Variants in THSD4 observed in about 807,000 individuals in gnomAD.
THSD4 encodes thrombospondin type 1 domain containing 4.
A neutral mutation model predicts 119.0 loss-of-function variants in THSD4; 69 were observed. That is an observed-to-expected ratio of 0.58 (90% CI 0.48 to 0.71). The LOEUF (loss-of-function observed/expected upper bound fraction) is 0.71. Ranked by LOEUF, THSD4 falls within the 30% of genes least tolerant of loss-of-function variation. The probability of loss-of-function intolerance (pLI) is 0.00; values close to 1 mark genes in which losing one functional copy is unlikely to be tolerated. For synonymous variants in THSD4, 524 were observed against 540.4 expected, an observed-to-expected ratio of 0.97 and a Z score of 0.42; for missense variants, 1,393 against 1,391.1, an observed-to-expected ratio of 1.00 and a Z score of -0.02.
chr15:71,500,154 AT>A lies in THSD4; in HGVS notation c.1152+88340del, dbSNP rs200662509. Among the ~76,000 whole-genome samples the A allele has an allele frequency of 2.2e-3, 335 of 150,588 alleles. 2 individuals carry two copies. Among genetic ancestry groups the A allele is most frequent in the African/African-American group, 6.6e-3 (271 of 41,106 alleles). On this transcript the variant is annotated intron_variant, in intron 7 of 17. Transcript: ENST00000261862. Reference sequence around the variant, plus strand: ...TTCTCACCAACGCTTGTTATTATCTATTTTTTTTTATGGTAGCTGCCATACC... The same window carrying A: ...TTCTCACCAACGCTTGTTATTATCTATTTTTTTTATGGTAGCTGCCATACC...
chr15:71,360,656 T>G (rs2045882619), intron 6 of THSD4, among the ~76,000 whole-genome samples: 1 of 152,216 alleles, frequency 6.6e-6, no homozygotes, highest in Non-Finnish European at 1.5e-5. Flanking sequence ...ATATGACTCC[T>G]CCTCAGATGC....
chr15:71,386,817 A>G (rs528365539), intron 6 of THSD4, among the ~76,000 whole-genome samples: 35 of 152,344 alleles, frequency 2.3e-4, no homozygotes, highest in African/African-American at 8.2e-4. Context: ...CCTAATTCAG[A>G]GGGTTAGCTT....
At chr15:71,111,719 A>G (rs1029372637), upstream of THSD4, 3 of 523,548 alleles carry the variant, frequency 5.7e-6, no homozygotes, top group African/African-American at 5.7e-5. Flanking sequence ...ATGTAGGTCC[A>G]TTTTCATCCC....
intron 4 of THSD4, among the ~76,000 whole-genome samples, chr15:71,226,607 G>A (rs576529130): frequency 1.3e-5 from 2 of 152,184 alleles, no homozygotes; most frequent in Non-Finnish European, 2.9e-5. Flanking sequence ...GGAGCAATAT[G>A]TTGTTTCTTT....
At chr15:71,408,707 C>T (rs181050514) in intron 6 of THSD4, among the ~76,000 whole-genome samples, 1 of 152,156 alleles carries the variant, frequency 6.6e-6, no homozygotes, top group East Asian at 1.9e-4. Flanking sequence ...CAACAATTAG[C>T]TGGGTGTGGT....
intron 7 of THSD4, among the ~76,000 whole-genome samples, chr15:71,619,520 C>T (rs1398819802): frequency 2.0e-5 from 3 of 152,144 alleles, no homozygotes; most frequent in Non-Finnish European, 2.9e-5. Flanking sequence ...GTAGCCTGCT[C>T]CTAAGATTCC....
intron 7 of THSD4, among the ~76,000 whole-genome samples, chr15:71,511,639 A>G (rs973671746): frequency 6.6e-6 from 1 of 152,222 alleles, no homozygotes; most frequent in African/African-American, 2.4e-5. Context: ...TCCAACCACA[A>G]ATCATTTAAG....
At chr15:71,317,753 T>C (rs902154802) in intron 6 of THSD4, among the ~76,000 whole-genome samples, 1 of 152,202 alleles carries the variant, frequency 6.6e-6, no homozygotes, top group African/African-American at 2.4e-5. Context: ...TGGTCTGGCT[T>C]CAAATCCTGG....
intron 7 of THSD4, among the ~76,000 whole-genome samples, chr15:71,495,475 C>G (rs758423858): frequency 6.6e-6 from 1 of 152,234 alleles, no homozygotes; most frequent in Non-Finnish European, 1.5e-5. Context: ...CAATACCACT[C>G]TAAACTGAAA....
intron 3 of THSD4, among the ~76,000 whole-genome samples, chr15:71,193,629 T>C (rs1941968395): frequency 6.6e-6 from 1 of 152,198 alleles, no homozygotes; most frequent in Non-Finnish European, 1.5e-5. Context: ...AGGGACCCGG[T>C]AGAGATCATT....
chr15:71,305,104 G>C (rs910712378), intron 6 of THSD4, among the ~76,000 whole-genome samples: 3 of 152,206 alleles, frequency 2.0e-5, no homozygotes, highest in Admixed American at 6.5e-5. Context: ...AAACCCTAAC[G>C]AGGTAGGAGA....
chr15:71,279,222 C>G (rs1426520674), intron 6 of THSD4, among the ~76,000 whole-genome samples: 1 of 152,176 alleles, frequency 6.6e-6, no homozygotes, highest in Non-Finnish European at 1.5e-5. Flanking sequence ...GGAAGCATAT[C>G]AGATGTGTAC....
chr15:71,252,637 G>T (rs1165406660), intron 5 of THSD4, among the ~76,000 whole-genome samples: 1 of 152,208 alleles, frequency 6.6e-6, no homozygotes, highest in Non-Finnish European at 1.5e-5. Flanking sequence ...GGGCACCATG[G>T]CATAGTGGTT....
intron 6 of THSD4, among the ~76,000 whole-genome samples, chr15:71,263,330 G>GGTATATAT (rs1555458969): frequency 2.7e-4 from 2 of 7,282 alleles, no homozygotes; most frequent in Non-Finnish European, 6.2e-4. Flanking sequence ...AGTATTCCAT[G>GGTATATAT]GTATATATAT....
intron 7 of THSD4, among the ~76,000 whole-genome samples, chr15:71,437,326 A>G (rs1431498773): frequency 6.6e-6 from 1 of 152,212 alleles, no homozygotes; most frequent in Non-Finnish European, 1.5e-5. Flanking sequence ...TCCAAATGCA[A>G]TTTGGAGGGG....
intron 6 of THSD4, among the ~76,000 whole-genome samples, chr15:71,367,041 CG>C (rs2045974378): frequency 1.3e-5 from 2 of 152,262 alleles, no homozygotes; most frequent in African/African-American, 4.8e-5. Flanking sequence ...ATTCAAGAGT[CG>C]TTAGTGAGTT....
chr15:71,516,240 C>T (rs185341602), intron 7 of THSD4, among the ~76,000 whole-genome samples: 5 of 152,292 alleles, frequency 3.3e-5, no homozygotes, highest in Non-Finnish European at 7.3e-5. Flanking sequence ...CCACAGCTTG[C>T]AGCCTACATT....
At chr15:71,681,952 T>G (rs2051791284) in intron 8 of THSD4, among the ~76,000 whole-genome samples, 1 of 152,136 alleles carries the variant, frequency 6.6e-6, no homozygotes, top group African/African-American at 2.4e-5. Flanking sequence ...CTTTAAAATG[T>G]TCAGCTGTGC....
intron 7 of THSD4, among the ~76,000 whole-genome samples, chr15:71,585,383 G>A (rs1387539449): frequency 6.6e-6 from 1 of 152,102 alleles, no homozygotes; most frequent in Non-Finnish European, 1.5e-5. Context: ...GTTCCTTTCG[G>A]CACTCTGAAT....
Sources: gnomAD v4.1 joint callset for allele counts (sites outside exome capture counted in the v4.1 genomes callset) on GRCh38, gnomAD v4.1.1 for gene constraint, MANE v1.5 for transcripts, NCBI Gene and HGNC (gene_info 2026-07-23, HGNC 2026-07-21) for gene names.